ADAM22: variants seen among roughly 807,000 people sequenced by gnomAD.
The protein encoded by ADAM22 is ADAM metallopeptidase domain 22.
In ADAM22, 65 loss-of-function variants were observed where a neutral mutation model predicts 144.6. The observed-to-expected ratio is 0.45, with a 90% CI of 0.37 to 0.55. The LOEUF (loss-of-function observed/expected upper bound fraction) is 0.55, where lower values mean the gene tolerates loss of function less well. Among genes scored for constraint, ADAM22 ranks in the 20% least tolerant of loss-of-function variants. ADAM22 has a pLI of 0.00. For synonymous variants in ADAM22, 391 were observed against 412.6 expected, an observed-to-expected ratio of 0.95 and a Z score of 0.63; for missense variants, 974 against 1,184.9, an observed-to-expected ratio of 0.82 and a Z score of 2.61.
Position 88,174,037 on chromosome 7 carries a change from T to A in ADAM22, c.2300+2476T>A, listed in dbSNP as rs17150316. Among the ~76,000 whole-genome samples, 871 of 152,242 alleles carry A rather than the reference T, an allele frequency of 5.7e-3. 25 individuals are homozygous for A. The East Asian group carries it at 0.093, about 16-fold the overall frequency. Reference sequence around the variant, plus strand: ...CACTAAATGCAAGACCTAATAAGTATAATAGCCTGTTATCAGATTCTTAAT... The same window carrying A: ...CACTAAATGCAAGACCTAATAAGTAAAATAGCCTGTTATCAGATTCTTAAT... On this transcript the variant is annotated intron_variant, in intron 26 of 31. Transcript: ENST00000413139.
chr7:88,051,312 C>T (rs1806275432), intron 3 of ADAM22, among the ~76,000 whole-genome samples: 2 of 152,148 alleles, frequency 1.3e-5, no homozygotes, highest in South Asian at 4.2e-4. Flanking sequence ...AAATGTCCAT[C>T]AGTGATAGAC....
At chr7:88,092,126 A>G (rs1820029299) in intron 4 of ADAM22, among the ~76,000 whole-genome samples, 1 of 152,152 alleles carries the variant, frequency 6.6e-6, no homozygotes, top group African/African-American at 2.4e-5. Context: ...GGCTCAGTTT[A>G]TGCCCATCTT....
At chr7:87,941,444 C>A (rs959754487) in intron 2 of ADAM22, among the ~76,000 whole-genome samples, 1 of 151,862 alleles carries the variant, frequency 6.6e-6, no homozygotes, top group Non-Finnish European at 1.5e-5. Flanking sequence ...GCTTCCGTGG[C>A]GGAAAATGGC....
chr7:88,053,157 C>T (rs935988516), intron 3 of ADAM22, among the ~76,000 whole-genome samples: 5 of 152,106 alleles, frequency 3.3e-5, no homozygotes, highest in Non-Finnish European at 7.4e-5. Flanking sequence ...TACACAGACA[C>T]ACAGACACAC....
intron 3 of ADAM22, among the ~76,000 whole-genome samples, chr7:88,059,033 C>G (rs1055956959): frequency 6.6e-6 from 1 of 152,120 alleles, no homozygotes; most frequent in African/African-American, 2.4e-5. Context: ...GGAGGGTGTA[C>G]TGATTTCTAT....
At chr7:88,089,351 A>G (rs1258771473) in intron 4 of ADAM22, among the ~76,000 whole-genome samples, 2 of 152,130 alleles carry the variant, frequency 1.3e-5, no homozygotes, top group Non-Finnish European at 2.9e-5. Flanking sequence ...CCTTGCATCA[A>G]TGATGAATCT....
rs1034284704 is a variant in ADAM22, at chr7:88,123,547, A to C, written c.608-2042A>C. Among the ~76,000 whole-genome samples, 11 of 152,088 alleles carry C rather than the reference A, an allele frequency of 7.2e-5. No individual in the cohort carries two copies. In the East Asian group the frequency reaches 7.7e-4, roughly 11 times the overall value. ...GTATTATCTTTTTAGTATCTATAGAATCTGTAGTGATTTGCTTTCTTTATT... is the reference window on the plus strand; with the variant it reads ...GTATTATCTTTTTAGTATCTATAGACTCTGTAGTGATTTGCTTTCTTTATT... On this transcript the variant is annotated intron_variant, in intron 7 of 31. Transcript: ENST00000413139.
intron 2 of ADAM22, among the ~76,000 whole-genome samples, chr7:87,951,039 G>C (rs1844977313): frequency 6.6e-6 from 1 of 151,980 alleles, no homozygotes; most frequent in Admixed American, 6.6e-5. Context: ...CTAGATATTA[G>C]CCCTTTGTCA....
At chr7:87,989,798 C>T (rs1431297270) in intron 3 of ADAM22, among the ~76,000 whole-genome samples, 2 of 152,082 alleles carry the variant, frequency 1.3e-5, no homozygotes, top group Non-Finnish European at 2.9e-5. Context: ...CACCCGTAAT[C>T]CCAGCTACTC....
intron 5 of ADAM22, among the ~76,000 whole-genome samples, chr7:88,113,776 A>G (rs1826959870): frequency 7.2e-6 from 1 of 138,542 alleles, no homozygotes; most frequent in African/African-American, 2.7e-5. Flanking sequence ...CCACAAGGAC[A>G]GAGAATTGGT....
Position 88,145,426 on chromosome 7 carries a change from TGAA to T in ADAM22, c.1406_1408del (p.Glu469del), listed in dbSNP as rs1836097955. The T allele has an allele frequency of 6.2e-7, 1 of 1,613,428 alleles. No individual in the cohort carries two copies. The highest frequency in any genetic ancestry group is 1.3e-5 in the African/African-American group (1 of 75,032). ...TTTATATTCCTTAGGAATGTGTCCT[TGAA>T]GGAGCAGAGTGTTGTAAGAAATGCA... On this transcript the variant is annotated inframe_deletion, in exon 17 of 32. Transcript: ENST00000413139.
chr7:88,125,790 A>G, intron 8 of ADAM22, 131 bp downstream of exon 8: 1 of 642,216 alleles, frequency 1.6e-6, no homozygotes, highest in Non-Finnish European at 2.5e-6. Flanking sequence ...ATAAACCGTA[A>G]GGGTGATGGA....
chr7:88,012,448 G>C (rs1405196446), intron 3 of ADAM22, among the ~76,000 whole-genome samples: 1 of 152,080 alleles, frequency 6.6e-6, no homozygotes, highest in African/African-American at 2.4e-5. Context: ...TAGGAGCAAA[G>C]GTATATAGGT....
intron 14 of ADAM22, among the ~76,000 whole-genome samples, chr7:88,136,760 G>T (rs528448889): frequency 6.6e-6 from 1 of 151,536 alleles, no homozygotes; most frequent in African/African-American, 2.4e-5. Flanking sequence ...CTCACAAAAC[G>T]CCACTAAAGA....
At chr7:88,075,423 T>C (rs1267238794) in intron 3 of ADAM22, among the ~76,000 whole-genome samples, 1 of 152,078 alleles carries the variant, frequency 6.6e-6, no homozygotes, top group Non-Finnish European at 1.5e-5. Flanking sequence ...TGTAGGCAGT[T>C]CAACCTCATG....
chr7:88,084,072 A>G (rs566370205), intron 4 of ADAM22, among the ~76,000 whole-genome samples: 1 of 152,286 alleles, frequency 6.6e-6, no homozygotes, highest in African/African-American at 2.4e-5. Context: ...GCCATTCACT[A>G]TCTATTTCTA....
At chr7:87,964,826 G>A in intron 2 of ADAM22, 1 of 246,936 alleles carries the variant, frequency 4.0e-6, no homozygotes, top group Non-Finnish European at 8.1e-6. Flanking sequence ...GACACCAGCT[G>A]GTAGTATGTG....
At chr7:88,074,799 CCT>C (rs748495178) in intron 3 of ADAM22, among the ~76,000 whole-genome samples, 7 of 152,096 alleles carry the variant, frequency 4.6e-5, no homozygotes, top group Non-Finnish European at 8.8e-5. Context: ...TCATGATGAA[CCT>C]CTGTGCTCAA....
chr7:88,153,396 G>C (rs1206845216), intron 21 of ADAM22, 70 bp downstream of exon 21: 25 of 1,289,940 alleles, frequency 1.9e-5, no homozygotes, highest in Non-Finnish European at 2.7e-5. Context: ...GAGTGACTAG[G>C]AAGTTTCTGC....
Sources: gnomAD v4.1 joint callset for allele counts (sites outside exome capture counted in the v4.1 genomes callset) on GRCh38, gnomAD v4.1.1 for gene constraint, MANE v1.5 for transcripts, NCBI Gene and HGNC (gene_info 2026-07-23, HGNC 2026-07-21) for gene names.